KIAA1958: variants seen among roughly 807,000 people sequenced by gnomAD.
KIAA1958 encodes the protein KIAA1958, also known as uncharacterized protein KIAA1958.
A neutral mutation model predicts 47.2 loss-of-function variants in KIAA1958; 14 were observed. The ratio of observed to expected loss-of-function variants is 0.30; its 90% CI spans 0.20 to 0.46. The LOEUF is 0.46. Among genes scored for constraint, KIAA1958 ranks in the 20% least tolerant of loss-of-function variants. The pLI is 1.00. For missense variants in KIAA1958, 803 were observed against 909.2 expected (o/e 0.88, Z 1.50); for synonymous variants, 354 against 353.3 (o/e 1.00, Z -0.02).
chr9:112,638,244 C>T (rs1187116090), intron 2 of KIAA1958, among the ~76,000 whole-genome samples: 1 of 152,082 alleles, frequency 6.6e-6, no homozygotes, highest in African/African-American at 2.4e-5. Context: ...GTGGATCACA[C>T]CTATAATGTC....
At chr9:112,496,740 C>T (rs533871389) in intron 1 of KIAA1958, among the ~76,000 whole-genome samples, 68 of 152,204 alleles carry the variant, frequency 4.5e-4, no homozygotes, top group African/African-American at 1.6e-3. Flanking sequence ...TGTGGTCTCG[C>T]GTTCTCCCCC....
chr9:112,596,293 A>G (rs73549721), intron 2 of KIAA1958, among the ~76,000 whole-genome samples: 86 of 152,334 alleles, frequency 5.6e-4, no homozygotes, highest in African/African-American at 2.0e-3. Context: ...TTCAAAGAAT[A>G]TAAATATATC....
At chr9:112,528,037 A>G (rs773004808) in intron 1 of KIAA1958, among the ~76,000 whole-genome samples, 16 of 151,972 alleles carry the variant, frequency 1.1e-4, no homozygotes, top group Non-Finnish European at 2.4e-4. Flanking sequence ...AACAGTTGTC[A>G]GCTCTATCTC....
At chr9:112,505,311 C>A (rs534732189) in intron 1 of KIAA1958, among the ~76,000 whole-genome samples, 1 of 152,234 alleles carries the variant, frequency 6.6e-6, no homozygotes, top group African/African-American at 2.4e-5. Context: ...CTGTTTCTGG[C>A]CCTTATTAGT....
At chr9:112,556,202 T>G (rs958715283) in intron 1 of KIAA1958, among the ~76,000 whole-genome samples, 4 of 152,222 alleles carry the variant, frequency 2.6e-5, no homozygotes, top group Non-Finnish European at 4.4e-5. Flanking sequence ...ATCTTGCATC[T>G]TCCTTAAGTA....
In KIAA1958 at chr9:112,574,362, A is replaced by G. The variant is rs749680678; in HGVS notation, c.282A>G (p.Thr94=). Residue 94 remains threonine, a synonymous_variant, in exon 2 of 4, where the codon ACA becomes ACG. Transcript: ENST00000337530. ...GTATAATCGGGGTGCCCTCTGAGAC[A>G]CAGACTAGCCCTGTTGAAAGGTACC... The part of the protein sequence containing the change: ...SPSIIGVPSE[T]QTSPVERYPG... 2 of 1,614,208 alleles carry G rather than the reference A, an allele frequency of 1.2e-6. No homozygotes were observed. Among genetic ancestry groups the G allele is most frequent in the South Asian group, 2.2e-5 (2 of 91,086 alleles).
intron 1 of KIAA1958, among the ~76,000 whole-genome samples, chr9:112,521,945 T>A (rs2132796779): frequency 9.4e-6 from 1 of 106,722 alleles, no homozygotes; most frequent in Admixed American, 1.0e-4. Flanking sequence ...GGGCATAGAA[T>A]TCTGGTTTTA....
intron 1 of KIAA1958, among the ~76,000 whole-genome samples, chr9:112,494,189 A>G (rs942210488): frequency 2.6e-5 from 4 of 152,202 alleles, no homozygotes; most frequent in Admixed American, 1.3e-4. Context: ...TTTAAAGCCA[A>G]TAATTTTACT....
chr9:112,507,446 T>C (rs1325270749), intron 1 of KIAA1958, among the ~76,000 whole-genome samples: 1 of 152,208 alleles, frequency 6.6e-6, no homozygotes, highest in Non-Finnish European at 1.5e-5. Flanking sequence ...ACTCCTGGGC[T>C]CAAGTTATTC....
chr9:112,523,808 G>A (rs1834594686), intron 1 of KIAA1958, among the ~76,000 whole-genome samples: 1 of 152,186 alleles, frequency 6.6e-6, no homozygotes, highest in African/African-American at 2.4e-5. Context: ...TAGGTTTGTA[G>A]GTGATGAAGC....
intron 1 of KIAA1958, among the ~76,000 whole-genome samples, chr9:112,570,637 G>T (rs1004456687): frequency 6.6e-6 from 1 of 152,212 alleles, no homozygotes; most frequent in Non-Finnish European, 1.5e-5. Flanking sequence ...CTGTTGTGTT[G>T]TAAGGAATAC....
In KIAA1958 at chr9:112,574,249, C is replaced by T; in HGVS notation, c.169C>T (p.His57Tyr). Reference sequence around the variant, plus strand: ...GGGCTGTAGTGCTGGCCATGCTTATCACTGGCCACTAACAGCTACTTGCAG... The same window carrying T: ...GGGCTGTAGTGCTGGCCATGCTTATTACTGGCCACTAACAGCTACTTGCAG... ...MWGCSAGHAYHWPLTATCRAG... is the reference protein window; with the variant it reads ...MWGCSAGHAYYWPLTATCRAG... Residue 57 changes from histidine to tyrosine, a missense_variant, in exon 2 of 4, where the codon CAC (histidine) becomes TAC (tyrosine). His to Tyr is a moderately conservative substitution (Grantham distance 83). Transcript: ENST00000337530. The T allele has an allele frequency of 6.2e-7, 1 of 1,614,092 alleles. No homozygotes were observed.
intron 1 of KIAA1958, among the ~76,000 whole-genome samples, chr9:112,510,145 GGTGAAAC>G (rs1039573315): frequency 6.6e-6 from 1 of 152,168 alleles, no homozygotes; most frequent in Non-Finnish European, 1.5e-5. Context: ...AGAAAGGAAA[GGTGAAAC>G]TGTTTGGGAG....
chr9:112,544,239 A>G (rs1834992148), intron 1 of KIAA1958, among the ~76,000 whole-genome samples: 1 of 152,224 alleles, frequency 6.6e-6, no homozygotes, highest in Admixed American at 6.5e-5. Flanking sequence ...TTTCTGTACT[A>G]TTAGACTTGA....
chr9:112,646,645 G>T (rs1483399060), intron 3 of KIAA1958, among the ~76,000 whole-genome samples: 1 of 152,174 alleles, frequency 6.6e-6, no homozygotes, highest in Non-Finnish European at 1.5e-5. Flanking sequence ...GCTAAGGCAG[G>T]AGGATTGCGT....
chr9:112,535,186 A>C (rs561726126), intron 1 of KIAA1958, among the ~76,000 whole-genome samples: 1 of 152,308 alleles, frequency 6.6e-6, no homozygotes, highest in East Asian at 1.9e-4. Context: ...AAGCTCTTGA[A>C]CTTATTCCTC....
At chr9:112,524,628 T>G (rs1289461841) in intron 1 of KIAA1958, among the ~76,000 whole-genome samples, 1 of 152,214 alleles carries the variant, frequency 6.6e-6, no homozygotes, top group Non-Finnish European at 1.5e-5. Context: ...TATCCAGAGA[T>G]CTTTCTGTAG....
intron 1 of KIAA1958, among the ~76,000 whole-genome samples, chr9:112,507,119 AT>A (rs1268420623): frequency 7.3e-6 from 1 of 137,166 alleles, no homozygotes; most frequent in African/African-American, 2.8e-5. Flanking sequence ...GAGGCCATAC[AT>A]TTACAGAGAC....
Position 112,662,430 on chromosome 9 carries a change from A to G in KIAA1958, c.*2361A>G, listed in dbSNP as rs1187915906. On this transcript the variant is annotated 3_prime_UTR_variant, in exon 4 of 4. Coordinates refer to ENST00000337530, the MANE Select transcript of KIAA1958 (RefSeq NM_133465.4). ...TATATGTGTGTGTGTCTGTGTATAC[A>G]CACAAACACATATACATAAGTGTTT... 6.6e-6 allele frequency: 1 copy of G among 151,948 alleles called. No homozygotes were observed. Among genetic ancestry groups the G allele is most frequent in the Admixed American group, 6.6e-5 (1 of 15,258 alleles). The allele number at this position is 151,948 out of a possible 1,614,324, so 9.4% of individuals were successfully genotyped here. A position where few individuals can be genotyped will look rare whatever the true frequency, so the allele number is the denominator to read the frequency against.
Sources: gnomAD v4.1 joint callset for allele counts (sites outside exome capture counted in the v4.1 genomes callset) on GRCh38, gnomAD v4.1.1 for gene constraint, MANE v1.5 for transcripts, NCBI Gene and HGNC (gene_info 2026-07-23, HGNC 2026-07-21) for gene names.